TYK2: variants seen among roughly 807,000 people sequenced by gnomAD.
TYK2 encodes the protein tyrosine kinase 2.
A neutral mutation model predicts 130.9 loss-of-function variants in TYK2; 65 were observed. The ratio of observed to expected loss-of-function variants is 0.50; its 90% confidence interval spans 0.41 to 0.61. The LOEUF is 0.61. Among genes scored for constraint, TYK2 ranks in the 20% least tolerant of loss-of-function variants. The pLI is 0.00. For synonymous variants in TYK2, 647 were observed against 658.9 expected (o/e 0.98, Z 0.28); for missense variants, 1,378 against 1,610.7 (o/e 0.86, Z 2.47).
In TYK2 at chr19:10,353,612, C is replaced by T; in HGVS notation, c.2943G>A (p.Val981=). The change falls in exon 21 of 25, where the codon GTG becomes GTA. Residue 981 remains valine, a synonymous_variant. Coordinates refer to ENST00000525621, the MANE Select transcript of TYK2 (RefSeq NM_003331.5). This position sits in a 1 kb window ranked among gnomAD's most constrained non-coding sequence, Gnocchi z 6.9. ...EKSLQLVMEY[V]PLGSLRDYLP... ...GGTAGTCTCGGAGGCTGCCCAGGGGCACGTACTCCATGACCAGCTGCAGCG... is the reference window on the plus strand; with the variant it reads ...GGTAGTCTCGGAGGCTGCCCAGGGGTACGTACTCCATGACCAGCTGCAGCG... 3 of 1,479,838 alleles carry T rather than the reference C, an allele frequency of 2.0e-6. No homozygotes were observed. The highest frequency in any genetic ancestry group is 2.7e-6 in the Non-Finnish European group (3 of 1,113,952). The allele number at this position is 1,479,838 out of a possible 1,614,324, so 91.7% of individuals were successfully genotyped here.
intron 14 of TYK2, among the ~76,000 whole-genome samples, chr19:10,360,191 A>T (rs965139308): frequency 1.2e-4 from 17 of 145,424 alleles, no homozygotes; most frequent in Admixed American, 3.5e-4. Flanking sequence ...CAAAAAAATT[A>T]AAAAAAAAAA....
Position 10,372,489 on chromosome 19 carries a change from T to A in TYK2, c.194-4071A>T, listed in dbSNP as rs1373784315. 4.2e-4 allele frequency among the ~76,000 whole-genome samples: 42 copies of A among 99,304 alleles called. 1 individual carries two copies. The highest frequency in any genetic ancestry group is 7.5e-4 in the African/African-American group (18 of 23,844). The allele number at this position is 99,304 out of a possible 152,430, so 65.1% of individuals were successfully genotyped here. A position where few individuals can be genotyped will look rare whatever the true frequency, so the allele number is the denominator to read the frequency against. ...ATATATATATATATATATATATTTT[T>A]TTTTTTTTTTTTTTTTTTGAGACAG... On this transcript the variant is annotated intron_variant, in intron 3 of 24. Transcript: ENST00000525621.
Position 10,361,901 on chromosome 19 carries a change from C to G in TYK2, c.1828G>C (p.Val610Leu), listed in dbSNP as rs2041423487. ...RTNVYEGRLR[V>L]EGSGDPEEGK... is the part of the protein sequence containing the mutation. ...TCCTCAGGGTCCCCGCTGCCCTCCA[C>G]TCGCAGGCGGCCCTCATACACGTTG... is the stretch of plus-strand genomic sequence containing the variant. The change falls in exon 13 of 25, where the codon GTG becomes CTG. Residue 610 changes from valine to leucine, a missense_variant. Physicochemically the swap from Val to Leu is conservative, Grantham distance 32. Coordinates refer to ENST00000525621, the MANE Select transcript of TYK2 (RefSeq NM_003331.5). The surrounding 1 kb of genome is among the most constrained non-coding windows in gnomAD (Gnocchi z 4.0). 2.5e-6 allele frequency: 4 copies of G among 1,613,984 alleles called. No homozygotes were observed. Among genetic ancestry groups the G allele is most frequent in the Non-Finnish European group, 3.4e-6 (4 of 1,180,028 alleles).
chr19:10,365,396 C>T (rs2041611269), intron 7 of TYK2, 121 bp downstream of exon 7: 1 of 1,490,052 alleles, frequency 6.7e-7, no homozygotes, highest in Admixed American at 1.7e-5. Context: ...GACAGGTGCC[C>T]CAGAGCCATG....
In TYK2 at chr19:10,372,478, A is replaced by AT. The variant is rs1485923076; in HGVS notation, c.194-4061dup. On this transcript the variant is annotated intron_variant, in intron 3 of 24. Transcript: ENST00000525621. ...CACAGCTATATATATATATATATATATATATATTTTTTTTTTTTTTTTTTT... is the reference window on the plus strand; with the variant it reads ...CACAGCTATATATATATATATATATATTATATATTTTTTTTTTTTTTTTTTT... Among the ~76,000 whole-genome samples the AT allele has an allele frequency of 4.3e-4, 28 of 64,412 alleles. 1 individual carries two copies. The highest frequency in any genetic ancestry group is 5.9e-4 in the Non-Finnish European group (22 of 37,248). 42.3% of individuals were successfully genotyped at this position (64,412 alleles called of 152,430 possible).
rs1257251989 is a variant in TYK2, at chr19:10,354,591, G to A, written c.2636C>T (p.Thr879Ile). ...LQPHNLADVLTVNPDSPASDP... is the reference protein window; with the variant it reads ...LQPHNLADVLIVNPDSPASDP... ...CGACGCCGGTGAGTCCGGGTTCACA[G>A]TCAAGACGTCAGCAAGATCTGGAAG... The change falls in exon 19 of 25, where the codon ACT becomes ATT. Residue 879 changes from threonine (T) to isoleucine (I), a missense_variant. Thr to Ile is a moderately conservative substitution (Grantham distance 89). Transcript: ENST00000525621. The A allele has an allele frequency of 1.2e-6, 2 of 1,613,914 alleles. No individual in the cohort carries two copies. Among genetic ancestry groups the A allele is most frequent in the African/African-American group, 2.7e-5 (2 of 74,902 alleles).
At chr19:10,369,334 T>A (rs987008257) in intron 3 of TYK2, among the ~76,000 whole-genome samples, 3 of 151,766 alleles carry the variant, frequency 2.0e-5, no homozygotes, top group African/African-American at 7.3e-5. Context: ...TATCTGTGGT[T>A]GGCAAACTCC....
intron 17 of TYK2, chr19:10,357,462 C>A: frequency 1.4e-6 from 1 of 701,568 alleles, no homozygotes; most frequent in Non-Finnish European, 2.6e-6. Context: ...TGAGGCGCAT[C>A]CTCAGCCCTT....
chr19:10,364,753 G>C lies in TYK2; in HGVS notation c.1228C>G (p.Arg410Gly). 1 of 1,613,910 alleles carries C rather than the reference G, an allele frequency of 6.2e-7. No individual in the cohort carries two copies. Among genetic ancestry groups the C allele is most frequent in the South Asian group, 1.1e-5 (1 of 91,088 alleles). The change falls in exon 9 of 25, where the codon CGG becomes GGG. Residue 410 changes from arginine to glycine, a missense_variant. Coordinates refer to ENST00000525621, the MANE Select transcript of TYK2 (RefSeq NM_003331.5). The surrounding 1 kb of genome is among the most constrained non-coding windows in gnomAD (Gnocchi z 4.9). Reference protein sequence around the residue: ...NKCLELSLPSRAAALSFVSLV... With the variant: ...NKCLELSLPSGAAALSFVSLV... The stretch of plus-strand genomic sequence containing the variant: ...GACACGAAGGACAGCGCCGCAGCCC[G>C]GGAAGGCAAGCTCAGCTCCTGCCAG...
intron 7 of TYK2, among the ~76,000 whole-genome samples, 164 bp downstream of exon 7, chr19:10,365,353 T>C (rs2041609376): frequency 6.6e-6 from 1 of 152,136 alleles, no homozygotes. Flanking sequence ...GGTAAGCAGA[T>C]GGAGGACCTT....
chr19:10,372,148 G>A (rs2041930478), intron 3 of TYK2, among the ~76,000 whole-genome samples: 1 of 151,106 alleles, frequency 6.6e-6, no homozygotes, highest in Non-Finnish European at 1.5e-5. Context: ...CCGCCACCAT[G>A]CCCAGCTAAT....
At chr19:10,377,544 ATGGGTGGGTGGG>A (rs1568346445) in intron 3 of TYK2, among the ~76,000 whole-genome samples, 10 of 65,032 alleles carry the variant, frequency 1.5e-4, no homozygotes, top group Admixed American at 2.0e-4. Context: ...GGATGGATGG[ATGGGTGGGTGGG>A]TGGATGGATG....
chr19:10,366,462 G>A lies in TYK2; in HGVS notation c.584C>T (p.Ala195Val). ...CTCCAGGGGGATGCCATGGCGGAGA[G>A]CGAGGTGACAGAGGTGCAGAAAGGC... ...GMAFLHLCHL[A>V]LRHGIPLEEV... Residue 195 changes from alanine (A) to valine (V), a missense_variant, in exon 6 of 25, where the codon GCT becomes GTT. Coordinates refer to ENST00000525621, the MANE Select transcript of TYK2 (RefSeq NM_003331.5). The A allele has an allele frequency of 6.2e-7, 1 of 1,614,138 alleles. No individual in the cohort carries two copies. The highest frequency in any genetic ancestry group is 8.5e-7 in the Non-Finnish European group (1 of 1,180,024).
intron 23 of TYK2, 31 bp downstream of exon 23, chr19:10,352,400 AAAC>A: frequency 7.7e-6 from 11 of 1,433,418 alleles, no homozygotes; most frequent in Non-Finnish European, 1.1e-5. Context: ...TTGCTCTAGC[AAAC>A]TCCCGGTGGG....
chr19:10,354,409 C>T, intron 19 of TYK2, 103 bp downstream of exon 19: 1 of 1,368,940 alleles, frequency 7.3e-7, no homozygotes, highest in Non-Finnish European at 1.0e-6. Context: ...CAGAGGGTCC[C>T]ACCCACATCT....
rs574348097 is a variant in TYK2, at chr19:10,351,931, G to T, written c.3318+503C>A. 2.0e-3 allele frequency among the ~76,000 whole-genome samples: 307 copies of T among 151,748 alleles called. 1 individual carries two copies. Among genetic ancestry groups the T allele is most frequent in the African/African-American group, 7.1e-3 (294 of 41,334 alleles). On this transcript the variant is annotated intron_variant, in intron 23 of 24. Coordinates refer to ENST00000525621, the MANE Select transcript of TYK2 (RefSeq NM_003331.5). Reference sequence around the variant, plus strand: ...ATTTTTGTATTTTTAGTAGAGACGGGGTTTCACCATGTTGGCCAGGCTGGT... The same window carrying T: ...ATTTTTGTATTTTTAGTAGAGACGGTGTTTCACCATGTTGGCCAGGCTGGT...
At chr19:10,377,126 A>C (rs2042147916) in intron 3 of TYK2, among the ~76,000 whole-genome samples, 1 of 152,126 alleles carries the variant, frequency 6.6e-6, no homozygotes, top group South Asian at 2.1e-4. Context: ...GCTGGTCTCC[A>C]ACTACTGGCC....
At chr19:10,378,557 G>A (rs771123521) in intron 2 of TYK2, 131 bp from the exon 3 acceptor site, 16 of 714,274 alleles carry the variant, frequency 2.2e-5, no homozygotes, top group Non-Finnish European at 3.8e-5. Context: ...TGACATTAGA[G>A]ACCCGATTCC....
chr19:10,378,601 A>G (rs1301268273), intron 2 of TYK2, 175 bp from the exon 3 acceptor site: 4 of 606,522 alleles, frequency 6.6e-6, no homozygotes, highest in Non-Finnish European at 8.8e-6. Context: ...TTTATTGGAC[A>G]GGGTTGGGGT....
Sources: gnomAD v4.1 joint callset for allele counts (sites outside exome capture counted in the v4.1 genomes callset) on GRCh38, gnomAD v4.1.1 for gene constraint, Gnocchi (gnomAD v3.1) non-coding constraint, MANE v1.5 for transcripts, NCBI Gene and HGNC (gene_info 2026-07-23, HGNC 2026-07-21) for gene names.